QTMAN: variants seen among roughly 807,000 people sequenced by gnomAD.
The protein encoded by QTMAN is tRNA-queuosine alpha-mannosyltransferase.
At chr2:143,995,673 A>G in the QTMAN span, among the ~76,000 whole-genome samples, 2 of 152,204 alleles carry the variant, frequency 1.3e-5, no homozygotes, top group Admixed American at 6.5e-5. Context: ...TAACTAGGCT[A>G]TAATTGCTGC....
chr2:144,099,527 T>C, the QTMAN span, among the ~76,000 whole-genome samples: 1 of 152,186 alleles, frequency 6.6e-6, no homozygotes, highest in African/African-American at 2.4e-5. Context: ...ATGTGGGTTG[T>C]TTTTTCCACT....
the QTMAN span, among the ~76,000 whole-genome samples, chr2:143,988,326 A>G: frequency 6.6e-6 from 1 of 152,200 alleles, no homozygotes; most frequent in South Asian, 2.1e-4. Context: ...GGGAACTTAC[A>G]AGAAGACACC....
the QTMAN span, among the ~76,000 whole-genome samples, chr2:144,046,778 G>A: frequency 6.6e-6 from 1 of 152,074 alleles, no homozygotes; most frequent in Non-Finnish European, 1.5e-5. Flanking sequence ...AATATTCTAT[G>A]ATCTCACATA....
chr2:144,137,141 A>G, the QTMAN span, among the ~76,000 whole-genome samples: 1 of 152,200 alleles, frequency 6.6e-6, no homozygotes, highest in Non-Finnish European at 1.5e-5. Flanking sequence ...GCACATCTTA[A>G]AGTAAGGTAT....
the QTMAN span, among the ~76,000 whole-genome samples, chr2:144,327,785 C>G: frequency 6.6e-6 from 1 of 151,992 alleles, no homozygotes; most frequent in Non-Finnish European, 1.5e-5. Context: ...GGGGAGATAG[C>G]AAGGAGAGGG....
the QTMAN span, among the ~76,000 whole-genome samples, chr2:143,985,268 G>C: frequency 6.6e-6 from 1 of 152,248 alleles, no homozygotes; most frequent in South Asian, 2.1e-4. Flanking sequence ...ACTGAGCACA[G>C]CGGCTGAGTA....
chr2:144,063,496 A>G, the QTMAN span, among the ~76,000 whole-genome samples: 1 of 152,184 alleles, frequency 6.6e-6, no homozygotes, highest in Non-Finnish European at 1.5e-5. Flanking sequence ...ATGGATTAAT[A>G]AAGTTCTTTG....
chr2:144,108,270 G>C, the QTMAN span, among the ~76,000 whole-genome samples: 2 of 152,154 alleles, frequency 1.3e-5, no homozygotes, highest in African/African-American at 4.8e-5. Flanking sequence ...TCAGGCAGGA[G>C]AAAGAAATAA....
the QTMAN span, among the ~76,000 whole-genome samples, chr2:144,050,913 T>A: frequency 6.6e-6 from 1 of 152,166 alleles, no homozygotes; most frequent in Non-Finnish European, 1.5e-5. Context: ...ATATTTTTGA[T>A]CTGTAGTTGG....
chr2:144,220,579 C>T, the QTMAN span, among the ~76,000 whole-genome samples: 1 of 152,218 alleles, frequency 6.6e-6, no homozygotes, highest in African/African-American at 2.4e-5. Context: ...CAAAGCTGCA[C>T]ACTGCATCCT....
At chr2:144,159,183 T>G in the QTMAN span, among the ~76,000 whole-genome samples, 1 of 152,040 alleles carries the variant, frequency 6.6e-6, no homozygotes, top group Non-Finnish European at 1.5e-5. Flanking sequence ...GTAAGTAAAT[T>G]TACTTGTTCT....
At chr2:144,182,740 T>A in the QTMAN span, among the ~76,000 whole-genome samples, 1 of 127,240 alleles carries the variant, frequency 7.9e-6, no homozygotes, top group Non-Finnish European at 1.6e-5. Flanking sequence ...GGTGAACTAG[T>A]ACTAAAGACT....
At chr2:144,039,665 T>C in the QTMAN span, among the ~76,000 whole-genome samples, 1 of 152,152 alleles carries the variant, frequency 6.6e-6, no homozygotes, top group Non-Finnish European at 1.5e-5. Context: ...ATCGCTTTGA[T>C]ATCATCTCAC....
At chr2:144,218,489 A>G in the QTMAN span, among the ~76,000 whole-genome samples, 3 of 152,248 alleles carry the variant, frequency 2.0e-5, no homozygotes, top group Admixed American at 6.5e-5. Flanking sequence ...ACTGGCTTCT[A>G]TGCCAACATT....
At chr2:144,028,653 A>G in the QTMAN span, among the ~76,000 whole-genome samples, 1 of 152,220 alleles carries the variant, frequency 6.6e-6, no homozygotes, top group African/African-American at 2.4e-5. Context: ...ACTAAAGAAT[A>G]GATCAATTAG....
At chr2:144,135,613 G>A in the QTMAN span, among the ~76,000 whole-genome samples, 4 of 152,110 alleles carry the variant, frequency 2.6e-5, no homozygotes, top group South Asian at 2.1e-4. Context: ...AGCCTTGAGC[G>A]CTTTCTCTTA....
chr2:143,970,748 T>A, the QTMAN span: 162 of 1,553,312 alleles, frequency 1.0e-4, 1 homozygote, highest in South Asian at 1.7e-3. Context: ...GCTTTCTGGA[T>A]CTTTATCATG....
At chr2:143,942,790 T>C in the QTMAN span, 1 of 166,966 alleles carries the variant, frequency 6.0e-6, no homozygotes, top group Non-Finnish European at 1.5e-5. Flanking sequence ...TCAAGCAACA[T>C]TGGCAGTAGA....
chr2:144,075,452 T>C, the QTMAN span, among the ~76,000 whole-genome samples: 1 of 152,218 alleles, frequency 6.6e-6, no homozygotes, highest in Admixed American at 6.5e-5. Flanking sequence ...GCTCCTTGGA[T>C]GTGTTTTGAT....
Sources: gnomAD v4.1 joint callset for allele counts (sites outside exome capture counted in the v4.1 genomes callset) on GRCh38, gnomAD v4.1.1 for gene constraint, MANE v1.5 for transcripts, NCBI Gene and HGNC (gene_info 2026-07-23, HGNC 2026-07-21) for gene names.